Variants in FRAS1 observed in about 807,000 individuals in gnomAD.
FRAS1 encodes the protein extracellular matrix organizing protein FRAS1.
A neutral mutation model predicts 435.2 loss-of-function variants in FRAS1; 290 were observed. That is an observed-to-expected ratio of 0.67 (90% CI 0.61 to 0.73). The LOEUF (loss-of-function observed/expected upper bound fraction) is 0.73. FRAS1 is among the 30% of genes least tolerant of loss of function. The pLI is 0.00. For missense variants in FRAS1, 4,860 were observed against 5,001.5 expected (o/e 0.97, Z 0.85); for synonymous variants, 1,800 against 1,851.0 (o/e 0.97, Z 0.71).
At chr4:78,239,378 T>C (rs776091867) in intron 3 of FRAS1, among the ~76,000 whole-genome samples, 28 of 152,190 alleles carry the variant, frequency 1.8e-4, no homozygotes, top group Non-Finnish European at 3.8e-4. Context: ...GTGACTTCTT[T>C]GCTGTCAGTC....
intron 66 of FRAS1, among the ~76,000 whole-genome samples, chr4:78,517,131 A>C (rs1041775482): frequency 3.3e-5 from 5 of 152,206 alleles, no homozygotes; most frequent in Non-Finnish European, 7.3e-5. Context: ...TCACTGAAGG[A>C]GAGAAATTAT....
At chr4:78,477,758 A>G in intron 54 of FRAS1, 57 bp from the exon 55 acceptor site, 3 of 1,567,922 alleles carry the variant, frequency 1.9e-6, no homozygotes, top group Non-Finnish European at 2.6e-6. Flanking sequence ...GCCCTGGGGA[A>G]GCAGAGCAGG....
chr4:78,426,176 G>A (rs1180033108), intron 35 of FRAS1, among the ~76,000 whole-genome samples: 1 of 152,226 alleles, frequency 6.6e-6, no homozygotes, highest in Non-Finnish European at 1.5e-5. Context: ...CTTAGAGCAT[G>A]AGCATGGAAT....
rs145980615 is a variant in FRAS1 at position 78,395,561 on chromosome 4, T to G, written c.3976-5173T>G. ...TGTGCTAATGTTATGTGCATATATA[T>G]TTACAATTATTATATCTGCTAGATG... On this transcript the variant is annotated intron_variant, in intron 29 of 73. Coordinates refer to ENST00000512123, the MANE Select transcript of FRAS1 (RefSeq NM_025074.7). Among the ~76,000 whole-genome samples the G allele has an allele frequency of 7.4e-3, 1,119 of 152,156 alleles. 8 individuals are homozygous for G. Among genetic ancestry groups the G allele is most frequent in the African/African-American group, 0.021 (882 of 41,564 alleles).
At position 78,267,433 on chromosome 4, in the gene FRAS1, G is replaced by A; in HGVS notation, c.981+1G>A. The A allele has an allele frequency of 2.5e-6, 4 of 1,612,880 alleles. No homozygotes were observed. The highest frequency in any genetic ancestry group is 3.4e-6 in the Non-Finnish European group (4 of 1,179,404). On this transcript the variant is annotated splice_donor_variant, in intron 9 of 73. Transcript: ENST00000512123. LOFTEE classifies it high-confidence loss of function. ...GTGTGCCAAAGTGGAGTGTGCCCGG[G>A]TAAGAAGCAGGGGCATTTCCATTTG...
Position 78,445,694 on chromosome 4 carries a change from C to A in FRAS1, c.5838C>A (p.Ser1946Arg), listed in dbSNP as rs577196548. 2 of 1,613,870 alleles carry A rather than the reference C, an allele frequency of 1.2e-6. No individual in the cohort carries two copies. Among genetic ancestry groups the A allele is most frequent in the Non-Finnish European group, 1.7e-6 (2 of 1,179,810 alleles). Residue 1946 changes from serine (S) to arginine (R), a missense_variant, in exon 42 of 74, where the codon AGC becomes AGA. Coordinates refer to ENST00000512123, the MANE Select transcript of FRAS1 (RefSeq NM_025074.7). The part of the protein sequence containing the change: ...SDGTSRSEIH[S>R]INITIERKND... ...GAACCAGTCGTTCAGAAATTCACAG[C>A]ATCAATATCACCATTGAGGTAAAGA...
rs756765327 is a variant in FRAS1, at chr4:78,422,014, C to G, written c.4678+14C>G. The G allele has an allele frequency of 2.5e-6, 4 of 1,603,352 alleles. No individual in the cohort carries two copies. The highest frequency in any genetic ancestry group is 3.4e-6 in the Non-Finnish European group (4 of 1,174,198). On this transcript the variant is annotated intron_variant, in intron 34 of 73. Transcript: ENST00000512123. ...TCTCGTTCGCTGGTAATGCTCTCCT[C>G]TCTGCTTTGAGGCACCCAACTGCTC...
At chr4:78,303,401 A>G (rs948427617) in intron 14 of FRAS1, among the ~76,000 whole-genome samples, 1 of 152,166 alleles carries the variant, frequency 6.6e-6, no homozygotes, top group African/African-American at 2.4e-5. Flanking sequence ...GAAGAAAGTC[A>G]TTGGTAGCTT....
In FRAS1 at chr4:78,521,521, A is replaced by G. The variant is rs772308979; in HGVS notation, c.10541-2A>G. The G allele has an allele frequency of 6.2e-7, 1 of 1,607,174 alleles. No individual in the cohort carries two copies. Among genetic ancestry groups the G allele is most frequent in the South Asian group, 1.1e-5 (1 of 89,652 alleles). On this transcript the variant is annotated splice_acceptor_variant, in intron 67 of 73. Coordinates refer to ENST00000512123, the MANE Select transcript of FRAS1 (RefSeq NM_025074.7). LOFTEE classifies it high-confidence loss of function. ...GCATTTTCTCTCTGCTTTCCTGCCC[A>G]GGAATCCAGACAGACAGCGTGCTCT... is the stretch of plus-strand genomic sequence containing the variant.
intron 14 of FRAS1, among the ~76,000 whole-genome samples, chr4:78,306,311 C>T (rs1220734668): frequency 6.6e-6 from 1 of 150,462 alleles, no homozygotes; most frequent in Non-Finnish European, 1.5e-5. Context: ...TCCTTCATTT[C>T]AACTTTGGTG....
At chr4:78,224,405 A>C (rs1253294681) in intron 2 of FRAS1, among the ~76,000 whole-genome samples, 1 of 152,244 alleles carries the variant, frequency 6.6e-6, no homozygotes, top group Admixed American at 6.5e-5. Flanking sequence ...GTCACATATA[A>C]ATATACATAC....
intron 3 of FRAS1, among the ~76,000 whole-genome samples, chr4:78,238,740 C>A (rs868666137): frequency 3.3e-5 from 5 of 152,084 alleles, no homozygotes; most frequent in Admixed American, 2.0e-4. Flanking sequence ...GTGGCAAAAA[C>A]GCCATGAAAA....
At chr4:78,501,274 T>A (rs563342531) in intron 61 of FRAS1, among the ~76,000 whole-genome samples, 2 of 152,334 alleles carry the variant, frequency 1.3e-5, no homozygotes, top group Admixed American at 1.3e-4. Context: ...GCTTCATCCA[T>A]GTCCCTGCAA....
intron 27 of FRAS1, among the ~76,000 whole-genome samples, chr4:78,380,620 T>C (rs1467375733): frequency 1.3e-5 from 2 of 152,242 alleles, no homozygotes; most frequent in African/African-American, 2.4e-5. Context: ...AGGGTAAATC[T>C]ACTCCACAGA....
chr4:78,479,286 A>G, intron 55 of FRAS1, 88 bp from the exon 56 acceptor site: 1 of 822,270 alleles, frequency 1.2e-6, no homozygotes, highest in Non-Finnish European at 1.8e-6. Context: ...ACTGTTTGGG[A>G]GGGACCAAGC....
intron 15 of FRAS1, among the ~76,000 whole-genome samples, chr4:78,315,104 C>T (rs2110231522): frequency 6.6e-6 from 1 of 152,272 alleles, no homozygotes; most frequent in Admixed American, 6.5e-5. Flanking sequence ...GTGTGAAGTT[C>T]AGCAATTTTA....
intron 19 of FRAS1, among the ~76,000 whole-genome samples, chr4:78,335,860 A>G (rs1730149481): frequency 6.6e-6 from 1 of 151,310 alleles, no homozygotes; most frequent in Non-Finnish European, 1.5e-5. Context: ...GAATTGACAC[A>G]GTACTAAAAT....
At position 78,464,453 on chromosome 4, in the gene FRAS1, C is replaced by T; in HGVS notation, c.6899C>T (p.Thr2300Ile). 3 of 1,613,984 alleles carry T rather than the reference C, an allele frequency of 1.9e-6. No homozygotes were observed. In the African/African-American group the frequency reaches 4.0e-5, roughly 22 times the overall value. The change falls in exon 49 of 74, where the codon ACT (threonine) becomes ATT (isoleucine). Residue 2300 changes from threonine to isoleucine, a missense_variant. Thr to Ile is a moderately conservative substitution (Grantham distance 89). Coordinates refer to ENST00000512123, the MANE Select transcript of FRAS1 (RefSeq NM_025074.7). ...LSDGVSEVTQ[T>I]FHITLHPVDD... ...TTCCTGCCATTCTAGGTGACTCAGA[C>T]TTTCCATATCACTCTTCACCCTGTC... is the stretch of plus-strand genomic sequence containing the variant.
chr4:78,481,725 G>T, intron 56 of FRAS1, 79 bp from the exon 57 acceptor site: 1 of 1,498,684 alleles, frequency 6.7e-7, no homozygotes, highest in South Asian at 1.1e-5. Context: ...ATTGCAGTGA[G>T]GGAGAACATC....
Sources: allele counts gnomAD v4.1 joint callset (sites outside exome capture counted in the v4.1 genomes callset), GRCh38; gene constraint gnomAD v4.1.1; transcripts MANE v1.5; gene names NCBI Gene and HGNC (gene_info 2026-07-23, HGNC 2026-07-21).